The following SLC22A8 variants were observed in gnomAD, a reference collection of about 807,000 sequenced individuals.
SLC22A8 encodes the protein solute carrier family 22 member 8.
Under a neutral mutation model 48.4 loss-of-function variants are expected in SLC22A8, and 40 were observed. The observed-to-expected ratio is 0.83, with a 90% confidence interval of 0.64 to 1.08. SLC22A8 has a LOEUF of 1.08. SLC22A8 is among the 50% of genes least tolerant of loss of function. SLC22A8 has a pLI of 0.00. For synonymous variants in SLC22A8, 268 were observed against 286.3 expected (o/e 0.94, Z 0.65); for missense variants, 606 against 699.0 (o/e 0.87, Z 1.50).
intron 2 of SLC22A8, among the ~76,000 whole-genome samples, chr11:63,012,248 C>T (rs1190556955): frequency 6.6e-6 from 1 of 152,110 alleles, no homozygotes; most frequent in Non-Finnish European, 1.5e-5. Context: ...CCTTGGCCTC[C>T]CAAAGTAGCT....
At chr11:63,007,578 C>G (rs1590698697) in intron 2 of SLC22A8, among the ~76,000 whole-genome samples, 1 of 152,126 alleles carries the variant, frequency 6.6e-6, no homozygotes, top group Non-Finnish European at 1.5e-5. Context: ...CCACCTGCCT[C>G]AGCCTCCCAA....
chr11:63,014,927 C>T lies in SLC22A8; in HGVS notation c.32G>A (p.Gly11Glu). The T allele has an allele frequency of 6.4e-7, 1 of 1,566,910 alleles. No individual in the cohort carries two copies. Among genetic ancestry groups the T allele is most frequent in the Non-Finnish European group, 8.7e-7 (1 of 1,151,934 alleles). ...CAGGAACTGGAAATGGCCCATGCTT[C>T]CCACACGGTCCAGGATCTCCGAGAA... MTFSEILDRVGSMGHFQFLHV... is the reference protein window; with the variant it reads MTFSEILDRVESMGHFQFLHV... The change falls in exon 2 of 11, where the codon GGA becomes GAA. Residue 11 changes from glycine to glutamate, a missense_variant. Gly to Glu is a moderately conservative substitution (Grantham distance 98). Coordinates refer to ENST00000336232, the MANE Select transcript of SLC22A8 (RefSeq NM_004254.4).
At chr11:63,015,091 G>A in intron 1 of SLC22A8, 108 bp from the exon 2 acceptor site, 1 of 663,602 alleles carries the variant, frequency 1.5e-6, no homozygotes, top group East Asian at 2.7e-5. Flanking sequence ...GAGCACAGGT[G>A]TGTGGAGCAG....
At chr11:63,015,501 G>A (rs376941329) in intron 1 of SLC22A8, among the ~76,000 whole-genome samples, 2 of 152,352 alleles carry the variant, frequency 1.3e-5, no homozygotes, top group African/African-American at 4.8e-5. Context: ...GATACACAGG[G>A]TTAGCAGAGT....
At chr11:63,012,196 GC>G (rs934981155) in intron 2 of SLC22A8, among the ~76,000 whole-genome samples, 3 of 152,076 alleles carry the variant, frequency 2.0e-5, no homozygotes, top group South Asian at 4.2e-4. Flanking sequence ...CACCATATTG[GC>G]CAGGCTGGTC....
At chr11:63,004,830 A>G (rs1218867433) in intron 2 of SLC22A8, among the ~76,000 whole-genome samples, 1 of 152,238 alleles carries the variant, frequency 6.6e-6, no homozygotes, top group Non-Finnish European at 1.5e-5. Flanking sequence ...CATTCCACAG[A>G]AAGAACAGAG....
Position 63,014,849 on chromosome 11 carries a change from A to G in SLC22A8, c.110T>C (p.Leu37Pro), listed in dbSNP as rs1565303911. Residue 37 changes from leucine (L) to proline (P), a missense_variant, in exon 2 of 11, where the codon CTG becomes CCG. Transcript: ENST00000336232. ...AGGGGTGGCGGCTGTGAAGATCTGC[A>G]GCAGGTTGTGGTTGGCCATGTTGAG... is the stretch of plus-strand genomic sequence containing the variant. Reference protein sequence around the residue: ...PILNMANHNLLQIFTAATPVH... With the variant: ...PILNMANHNLPQIFTAATPVH... The G allele has an allele frequency of 6.2e-7, 1 of 1,612,336 alleles. No individual in the cohort carries two copies. The highest frequency in any genetic ancestry group is 8.5e-7 in the Non-Finnish European group (1 of 1,178,678).
At chr11:63,013,989 G>A (rs2086646734) in intron 2 of SLC22A8, among the ~76,000 whole-genome samples, 1 of 152,180 alleles carries the variant, frequency 6.6e-6, no homozygotes, top group Admixed American at 6.5e-5. Flanking sequence ...GAACCCATGA[G>A]TGACTGTGTG....
chr11:63,011,150 A>G (rs1363866596), intron 2 of SLC22A8, among the ~76,000 whole-genome samples: 1 of 152,168 alleles, frequency 6.6e-6, no homozygotes, highest in Non-Finnish European at 1.5e-5. Context: ...GGGGTTGTGC[A>G]TTCCTGAGGA....
rs905534477 is a variant in SLC22A8 at position 62,998,648 on chromosome 11, T to C, written c.761+273A>G. On this transcript the variant is annotated intron_variant, in intron 5 of 10. Transcript: ENST00000336232. ...CCATATGAAGTCCAGGCCCCCCAGC[T>C]TTCTGTGCTCTCCCAGCCAGTCTCC... 1.6e-4 allele frequency among the ~76,000 whole-genome samples: 24 copies of C among 152,280 alleles called. No individual in the cohort carries two copies. In the East Asian group the frequency reaches 4.6e-3, roughly 29 times the overall value.
intron 2 of SLC22A8, among the ~76,000 whole-genome samples, chr11:63,004,649 A>G (rs1279772738): frequency 1.3e-5 from 2 of 152,226 alleles, no homozygotes; most frequent in East Asian, 3.8e-4. Flanking sequence ...TACCATCAGA[A>G]TGCTGAATGA....
chr11:63,003,037 G>A lies in SLC22A8; in HGVS notation c.334-2214C>T, dbSNP rs72933457. On this transcript the variant is annotated intron_variant, in intron 2 of 10. Coordinates refer to ENST00000336232, the MANE Select transcript of SLC22A8 (RefSeq NM_004254.4). ...AGGGCTAAAACGCCACTCAAATCAG[G>A]TGCCTGTCTTGCCTAAAGTGCTCAC... Among the ~76,000 whole-genome samples the A allele has an allele frequency of 6.5e-3, 982 of 152,224 alleles. 4 individuals are homozygous for A. Among genetic ancestry groups the A allele is most frequent in the Middle Eastern group, 0.017 (5 of 294 alleles).
chr11:63,011,962 T>A (rs1401200672), intron 2 of SLC22A8, among the ~76,000 whole-genome samples: 5 of 152,028 alleles, frequency 3.3e-5, no homozygotes, highest in South Asian at 4.2e-4. Flanking sequence ...CCCTGGAAAC[T>A]GCAATCTTGA....
intron 2 of SLC22A8, among the ~76,000 whole-genome samples, chr11:63,003,657 G>A (rs1423142203): frequency 6.6e-6 from 1 of 152,212 alleles, no homozygotes; most frequent in Non-Finnish European, 1.5e-5. Context: ...ACATTTCCCT[G>A]ATGACCTTGT....
Position 63,007,783 on chromosome 11 carries a change from G to A in SLC22A8, c.333+6843C>T, listed in dbSNP as rs534315353. Among the ~76,000 whole-genome samples, 16 of 152,318 alleles carry A rather than the reference G, an allele frequency of 1.1e-4. 1 individual carries two copies. The South Asian group carries it at 2.5e-3, about 24-fold the overall frequency. On this transcript the variant is annotated intron_variant, in intron 2 of 10. Transcript: ENST00000336232. ...TGGTGGGGAAGAAAGAGAAAAGCACGATGCTCAGGAGAAAGCTTTGCAATT... is the reference window on the plus strand; with the variant it reads ...TGGTGGGGAAGAAAGAGAAAAGCACAATGCTCAGGAGAAAGCTTTGCAATT...
intron 1 of SLC22A8, 99 bp from the exon 2 acceptor site, chr11:63,015,082 A>T (rs2086660034): frequency 1.4e-6 from 1 of 728,598 alleles, no homozygotes; most frequent in Non-Finnish European, 2.2e-6. Flanking sequence ...TGGATATGCG[A>T]GCACAGGTGT....
chr11:63,007,701 G>A (rs1291055982), intron 2 of SLC22A8, among the ~76,000 whole-genome samples: 1 of 152,202 alleles, frequency 6.6e-6, no homozygotes, highest in Non-Finnish European at 1.5e-5. Flanking sequence ...GTTCTGGAAG[G>A]AAAGGGTAGG....
intron 2 of SLC22A8, among the ~76,000 whole-genome samples, chr11:63,008,860 G>T (rs2086585502): frequency 6.6e-6 from 1 of 152,112 alleles, no homozygotes; most frequent in Admixed American, 6.5e-5. Flanking sequence ...GTATTCCTCT[G>T]TAAAATGGGG....
intron 7 of SLC22A8, chr11:62,995,248 A>G (rs959307735): frequency 3.3e-5 from 8 of 241,264 alleles, no homozygotes; most frequent in African/African-American, 1.6e-4. Context: ...CAGGTCACAG[A>G]AAGGGCTTTC....
Sources: allele counts gnomAD v4.1 joint callset (sites outside exome capture counted in the v4.1 genomes callset), GRCh38; gene constraint gnomAD v4.1.1; transcripts MANE v1.5; gene names NCBI Gene and HGNC (gene_info 2026-07-23, HGNC 2026-07-21).